GRIK2: variants seen among roughly 807,000 people sequenced by gnomAD.
The protein encoded by GRIK2 is glutamate ionotropic receptor kainate type subunit 2.
In GRIK2, 32 loss-of-function variants were observed where a neutral mutation model predicts 100.3. That is an observed-to-expected ratio of 0.32 (90% CI 0.24 to 0.43). The LOEUF (loss-of-function observed/expected upper bound fraction) is 0.43. GRIK2 is among the 20% of genes least tolerant of loss of function. GRIK2 has a pLI of 1.00. For synonymous variants in GRIK2, 417 were observed against 389.4 expected (o/e 1.07, Z -0.83); for missense variants, 843 against 1,114.9 (o/e 0.76, Z 3.47).
chr6:101,481,629 A>G (rs1168518066), intron 2 of GRIK2, among the ~76,000 whole-genome samples: 1 of 152,176 alleles, frequency 6.6e-6, no homozygotes, highest in Admixed American at 6.6e-5. Context: ...TAAATACTTA[A>G]TACTTTCTGA....
intron 14 of GRIK2, among the ~76,000 whole-genome samples, chr6:101,936,725 T>G (rs1416563399): frequency 1.3e-5 from 2 of 152,102 alleles, no homozygotes; most frequent in Non-Finnish European, 2.9e-5. Context: ...CAGACACTAG[T>G]TCAGCATGCC....
chr6:102,025,718 A>G (rs537014862), intron 14 of GRIK2, among the ~76,000 whole-genome samples: 1 of 151,440 alleles, frequency 6.6e-6, no homozygotes, highest in East Asian at 1.9e-4. Context: ...GTAATGCATT[A>G]TAAGACTTTA....
At chr6:101,797,922 G>A (rs1780417469) in intron 7 of GRIK2, among the ~76,000 whole-genome samples, 1 of 150,020 alleles carries the variant, frequency 6.7e-6, no homozygotes, top group African/African-American at 2.4e-5. Context: ...CATTTAAGAT[G>A]TATTTAATTT....
At chr6:101,974,652 C>T in intron 14 of GRIK2, among the ~76,000 whole-genome samples, 1 of 151,946 alleles carries the variant, frequency 6.6e-6, no homozygotes, top group Non-Finnish European at 1.5e-5. Flanking sequence ...TGCCTTTCAA[C>T]TGATTGGTCG....
chr6:101,703,833 TAAA>T (rs562457660), intron 7 of GRIK2, among the ~76,000 whole-genome samples: 4 of 142,340 alleles, frequency 2.8e-5, no homozygotes, highest in Non-Finnish European at 6.2e-5. Flanking sequence ...TATTGCATTA[TAAA>T]AAAAAAAAGA....
chr6:101,880,110 T>G (rs1170902652), intron 11 of GRIK2, among the ~76,000 whole-genome samples: 1 of 152,040 alleles, frequency 6.6e-6, no homozygotes, highest in Non-Finnish European at 1.5e-5. Flanking sequence ...ATGTGATCAT[T>G]CTGGTTAGTG....
chr6:101,836,662 T>TA lies in GRIK2; in HGVS notation c.1317+18179_1317+18180insA, dbSNP rs1491382793. Among the ~76,000 whole-genome samples the TA allele has an allele frequency of 9.5e-3, 498 of 52,486 alleles. 2 individuals carry two copies. Among genetic ancestry groups the TA allele is most frequent in the African/African-American group, 0.039 (341 of 8,660 alleles). The allele number at this position is 52,486 out of a possible 152,430, so 34.4% of individuals were successfully genotyped here. ...GTATGTGTATATATATATATATATA[T>TA]TTTTTTTTTTTTTTTTTTTTTGAGA... On this transcript the variant is annotated intron_variant, in intron 10 of 16. Transcript: ENST00000369134.
chr6:101,971,235 T>C (rs1793031160), intron 14 of GRIK2, among the ~76,000 whole-genome samples: 1 of 152,092 alleles, frequency 6.6e-6, no homozygotes, highest in Non-Finnish European at 1.5e-5. Context: ...ACTCCTGTTG[T>C]TATATTATTT....
chr6:101,732,601 C>T (rs914954258), intron 7 of GRIK2, among the ~76,000 whole-genome samples: 2 of 152,024 alleles, frequency 1.3e-5, no homozygotes, highest in Non-Finnish European at 2.9e-5. Flanking sequence ...TTATACTTTG[C>T]CTCTGTGTTT....
At chr6:101,794,207 A>G (rs1780120264) in intron 7 of GRIK2, among the ~76,000 whole-genome samples, 1 of 152,074 alleles carries the variant, frequency 6.6e-6, no homozygotes. Flanking sequence ...CGCACAGTGC[A>G]CTGCACTGCT....
intron 14 of GRIK2, among the ~76,000 whole-genome samples, chr6:102,034,050 G>T (rs1330870453): frequency 4.0e-5 from 6 of 151,254 alleles, no homozygotes; most frequent in Non-Finnish European, 4.4e-5. Context: ...AATTATCTTG[G>T]CCAGGCATGG....
chr6:101,973,542 T>C (rs973863979), intron 14 of GRIK2, among the ~76,000 whole-genome samples: 30 of 151,922 alleles, frequency 2.0e-4, no homozygotes, highest in Non-Finnish European at 4.3e-4. Context: ...CTCAGAAATT[T>C]AGAATCACTA....
At chr6:101,437,896 C>A (rs1210332087) in intron 2 of GRIK2, among the ~76,000 whole-genome samples, 1 of 152,086 alleles carries the variant, frequency 6.6e-6, no homozygotes, top group Non-Finnish European at 1.5e-5. Flanking sequence ...CCTCGATGAT[C>A]TTATGCTTTA....
chr6:101,483,585 A>G (rs1001310678), intron 2 of GRIK2, among the ~76,000 whole-genome samples: 1 of 151,768 alleles, frequency 6.6e-6, no homozygotes, highest in Non-Finnish European at 1.5e-5. Context: ...TTATTTATGT[A>G]TTTATTTGGG....
intron 14 of GRIK2, among the ~76,000 whole-genome samples, chr6:101,951,165 A>G (rs1241895316): frequency 6.6e-6 from 1 of 152,196 alleles, no homozygotes; most frequent in Non-Finnish European, 1.5e-5. Context: ...GAAATACATA[A>G]TCTTTAATGC....
intron 7 of GRIK2, among the ~76,000 whole-genome samples, chr6:101,767,714 G>C (rs1431348756): frequency 6.6e-6 from 1 of 151,992 alleles, no homozygotes; most frequent in African/African-American, 2.4e-5. Context: ...TCAGGAGCAT[G>C]GGTGGTGGGA....
Position 101,732,211 on chromosome 6 carries a change from T to TG in GRIK2, c.951+45861dup, listed in dbSNP as rs545049474. 1.7e-3 allele frequency among the ~76,000 whole-genome samples: 265 copies of TG among 152,158 alleles called. 1 individual carries two copies. Among genetic ancestry groups the TG allele is most frequent in the African/African-American group, 6.2e-3 (256 of 41,530 alleles). ...AATCTAATCAATTGATCTAGTCCTT[T>TG]GGGATGATGTCTTGTCTTTGTTCTA... is the stretch of plus-strand genomic sequence containing the variant. On this transcript the variant is annotated intron_variant, in intron 7 of 16. Transcript: ENST00000369134.
intron 14 of GRIK2, among the ~76,000 whole-genome samples, chr6:101,963,428 G>A (rs1340851881): frequency 6.8e-6 from 1 of 147,226 alleles, no homozygotes; most frequent in Non-Finnish European, 1.5e-5. Flanking sequence ...CTCCCGAGTA[G>A]CTGGGACTAC....
chr6:101,840,266 A>G (rs1036225051), intron 10 of GRIK2, among the ~76,000 whole-genome samples: 4 of 152,222 alleles, frequency 2.6e-5, no homozygotes, highest in African/African-American at 9.6e-5. Context: ...TGATGATTGT[A>G]AGATGACAGC....
Sources: gnomAD v4.1 joint callset for allele counts (sites outside exome capture counted in the v4.1 genomes callset) on GRCh38, gnomAD v4.1.1 for gene constraint, MANE v1.5 for transcripts, NCBI Gene and HGNC (gene_info 2026-07-23, HGNC 2026-07-21) for gene names.